MFN1: variants seen among roughly 807,000 people sequenced by gnomAD.
The protein encoded by MFN1 is mitofusin-1.
Under a neutral mutation model 92.4 loss-of-function variants are expected in MFN1, and 65 were observed. The observed-to-expected ratio is 0.70, with a 90% confidence interval of 0.58 to 0.86. MFN1 has a LOEUF of 0.86. Ranked by LOEUF, MFN1 falls within the 40% of genes least tolerant of loss-of-function variation. MFN1 has a pLI of 0.00. For missense variants in MFN1, 781 were observed against 868.0 expected (o/e 0.90, Z 1.26); for synonymous variants, 297 against 300.9 (o/e 0.99, Z 0.13).
In MFN1 at chr3:179,393,091, C is replaced by T. The variant is rs1713971138; in HGVS notation, c.*1032C>T. ...CTGTGGAAGAGGCCAGTTTTGCCTCCATTTGCACATTCATTTCAGTTATTT... is the reference window on the plus strand; with the variant it reads ...CTGTGGAAGAGGCCAGTTTTGCCTCTATTTGCACATTCATTTCAGTTATTT... On this transcript the variant is annotated 3_prime_UTR_variant, in exon 18 of 18. Coordinates refer to ENST00000471841, the MANE Select transcript of MFN1 (RefSeq NM_033540.3). 1 of 152,120 alleles carries T rather than the reference C, an allele frequency of 6.6e-6. No individual in the cohort carries two copies. Among genetic ancestry groups the T allele is most frequent in the South Asian group, 2.1e-4 (1 of 4,828 alleles). 9.4% of individuals were successfully genotyped at this position (152,120 alleles called of 1,614,324 possible). A position where few individuals can be genotyped will look rare whatever the true frequency, so the allele number is the denominator to read the frequency against.
chr3:179,351,178 A>AT (rs1328150474), intron 2 of MFN1, among the ~76,000 whole-genome samples: 1 of 152,244 alleles, frequency 6.6e-6, no homozygotes, highest in African/African-American at 2.4e-5. Flanking sequence ...TTCCTGAGTT[A>AT]TAAAAAAAAC....
intron 7 of MFN1, 118 bp downstream of exon 7, chr3:179,365,343 T>C (rs1414033302): frequency 1.6e-6 from 1 of 614,888 alleles, no homozygotes; most frequent in Non-Finnish European, 2.6e-6. Flanking sequence ...GAAAAGAAGA[T>C]AGTTAGAGAA....
chr3:179,367,328 T>C (rs756115938), intron 7 of MFN1, 111 bp from the exon 8 acceptor site: 4 of 811,066 alleles, frequency 4.9e-6, no homozygotes, highest in Non-Finnish European at 7.1e-6. Flanking sequence ...TCATTAGTTA[T>C]ATGGTAACTT....
At chr3:179,356,175 C>G (rs777640303) in intron 3 of MFN1, among the ~76,000 whole-genome samples, 13 of 152,190 alleles carry the variant, frequency 8.5e-5, no homozygotes, top group Admixed American at 2.6e-4. Flanking sequence ...TAGATAACCT[C>G]AGAGGGTGAC....
At chr3:179,359,544 C>G (rs1265740192) in intron 4 of MFN1, among the ~76,000 whole-genome samples, 1 of 150,198 alleles carries the variant, frequency 6.7e-6, no homozygotes, top group African/African-American at 2.5e-5. Context: ...CCTCAGCCTC[C>G]TGAGTAGCTG....
chr3:179,379,137 A>AGCTGCAATATATCTTTTCC (rs1344912766), intron 14 of MFN1, among the ~76,000 whole-genome samples: 1 of 145,962 alleles, frequency 6.9e-6, no homozygotes, highest in African/African-American at 2.5e-5. Flanking sequence ...AGCCTCTTCT[A>AGCTGCAATATATCTTTTCC]GCTGCAATAT....
At chr3:179,358,755 T>C (rs1189618082) in intron 3 of MFN1, 85 bp from the exon 4 acceptor site, 1 of 1,414,114 alleles carries the variant, frequency 7.1e-7, no homozygotes, top group African/African-American at 1.4e-5. Context: ...AATTTGGATT[T>C]TAAAAAAGTT....
intron 9 of MFN1, among the ~76,000 whole-genome samples, chr3:179,373,172 C>G (rs902513256): frequency 6.6e-6 from 1 of 152,156 alleles, no homozygotes; most frequent in African/African-American, 2.4e-5. Context: ...CTCATGTGCT[C>G]TATAGCTAAA....
chr3:179,355,768 A>G (rs1049687041), intron 3 of MFN1, among the ~76,000 whole-genome samples: 1 of 152,116 alleles, frequency 6.6e-6, no homozygotes, highest in East Asian at 1.9e-4. Flanking sequence ...GCTGGCCAAC[A>G]TGGTGAATCC....
intron 3 of MFN1, among the ~76,000 whole-genome samples, chr3:179,358,057 G>C (rs1456239149): frequency 1.3e-5 from 2 of 151,920 alleles, no homozygotes; most frequent in Admixed American, 1.3e-4. Context: ...ACATGGCAAG[G>C]CTCCAAGTGC....
chr3:179,387,504 T>A (rs1170328761), intron 16 of MFN1, among the ~76,000 whole-genome samples: 1 of 147,600 alleles, frequency 6.8e-6, no homozygotes, highest in East Asian at 2.2e-4. Flanking sequence ...CGAGATCACA[T>A]CACTGAACTC....
intron 3 of MFN1, among the ~76,000 whole-genome samples, chr3:179,356,861 A>C (rs2108526955): frequency 6.6e-6 from 1 of 152,314 alleles, no homozygotes; most frequent in East Asian, 1.9e-4. Context: ...GCAAGTTGAT[A>C]TGCTGAGACA....
At chr3:179,350,506 T>A (rs145741946) in intron 2 of MFN1, among the ~76,000 whole-genome samples, 23 of 152,358 alleles carry the variant, frequency 1.5e-4, no homozygotes, top group African/African-American at 5.3e-4. Flanking sequence ...AAATGTGTAT[T>A]GTACGTGTTA....
rs116912075 is a variant in MFN1, at chr3:179,373,148, C to A, written c.976-2072C>A. ...TAATGGCTTCAGAGTTAAATATTGA[C>A]TAAATTAATTACCCTCATGTGCTCT... On this transcript the variant is annotated intron_variant, in intron 9 of 17. Transcript: ENST00000471841. Among the ~76,000 whole-genome samples the A allele has an allele frequency of 3.3e-5, 5 of 152,252 alleles. No individual in the cohort carries two copies. The East Asian group carries it at 7.7e-4, about 23-fold the overall frequency.
At chr3:179,379,304 C>A (rs2108550582) in intron 14 of MFN1, among the ~76,000 whole-genome samples, 1 of 152,340 alleles carries the variant, frequency 6.6e-6, no homozygotes, top group East Asian at 1.9e-4. Flanking sequence ...GGCTTCTTTA[C>A]TTCCTGTCTT....
At chr3:179,383,552 G>A (rs1339075909) in intron 14 of MFN1, among the ~76,000 whole-genome samples, 1 of 152,078 alleles carries the variant, frequency 6.6e-6, no homozygotes, top group South Asian at 2.1e-4. Context: ...TTGGCAATGC[G>A]GGCTCTTTTT....
intron 16 of MFN1, 86 bp downstream of exon 16, chr3:179,386,715 C>A: frequency 8.3e-7 from 1 of 1,203,716 alleles, no homozygotes; most frequent in Non-Finnish European, 1.2e-6. Flanking sequence ...AAGTGTATTG[C>A]TCAAAGAATT....
In MFN1 at chr3:179,348,918, G is replaced by T; in HGVS notation, c.67G>T (p.Asp23Tyr). ...LAKKAITAIF[D>Y]QLLEFVTEGS... Reference sequence around the variant, plus strand: ...TAAGAAGGCGATTACTGCAATCTTTGACCAGTTACTGGAGTTTGTTACTGA... The same window carrying T: ...TAAGAAGGCGATTACTGCAATCTTTTACCAGTTACTGGAGTTTGTTACTGA... The change falls in exon 2 of 18, where the codon GAC becomes TAC. Residue 23 changes from aspartate (D) to tyrosine (Y), a missense_variant. Coordinates refer to ENST00000471841, the MANE Select transcript of MFN1 (RefSeq NM_033540.3). 1.2e-6 allele frequency: 2 copies of T among 1,607,656 alleles called. No individual in the cohort carries two copies. Among genetic ancestry groups the T allele is most frequent in the South Asian group, 2.2e-5 (2 of 90,692 alleles).
intron 4 of MFN1, among the ~76,000 whole-genome samples, chr3:179,361,039 G>C (rs1712555126): frequency 6.6e-6 from 1 of 152,224 alleles, no homozygotes; most frequent in Non-Finnish European, 1.5e-5. Flanking sequence ...TGGGAGGATT[G>C]GTTGAATCTG....
Sources: allele counts gnomAD v4.1 joint callset (sites outside exome capture counted in the v4.1 genomes callset), GRCh38; gene constraint gnomAD v4.1.1; transcripts MANE v1.5; gene names NCBI Gene and HGNC (gene_info 2026-07-23, HGNC 2026-07-21).